The following GTF2A2 variants were observed in gnomAD, a reference collection of about 807,000 sequenced individuals.
The protein encoded by GTF2A2 is transcription initiation factor IIA subunit 2.
Under a neutral mutation model 14.3 loss-of-function variants are expected in GTF2A2, and 9 were observed. That is an observed-to-expected ratio of 0.63 (90% CI 0.38 to 1.10). The LOEUF (loss-of-function observed/expected upper bound fraction) is 1.10, where lower values mean the gene tolerates loss of function less well. Ranked by LOEUF, GTF2A2 falls within the 50% of genes least tolerant of loss-of-function variation. The pLI is 0.01. For missense variants in GTF2A2, 90 were observed against 124.6 expected (o/e 0.72, Z 1.32); for synonymous variants, 56 against 46.0 (o/e 1.22, Z -0.88).
chr15:59,655,610 G>A (rs779673714), intron 1 of GTF2A2, among the ~76,000 whole-genome samples: 9 of 152,016 alleles, frequency 5.9e-5, no homozygotes, highest in Non-Finnish European at 8.8e-5. Context: ...ACAGTCCTTA[G>A]GCCTCTGCTG....
At chr15:59,644,109 C>T (rs1434464982) in intron 3 of GTF2A2, among the ~76,000 whole-genome samples, 3 of 148,356 alleles carry the variant, frequency 2.0e-5, no homozygotes, top group African/African-American at 7.5e-5. Flanking sequence ...TGGCCAGGCT[C>T]GTCTTAAACT....
chr15:59,654,829 T>A (rs1252505264), intron 1 of GTF2A2, among the ~76,000 whole-genome samples: 1 of 152,226 alleles, frequency 6.6e-6, no homozygotes, highest in African/African-American at 2.4e-5. Flanking sequence ...GCTTGGGACC[T>A]GAAGTCTTTT....
In GTF2A2 at chr15:59,638,609, T is replaced by C. The variant is rs1891264982; in HGVS notation, c.*523A>G. On this transcript the variant is annotated 3_prime_UTR_variant, in exon 5 of 5. Coordinates refer to ENST00000396060, the MANE Select transcript of GTF2A2 (RefSeq NM_004492.3). ...GATTGTCTAACTTTTCCTAATCAAG[T>C]TGTACTTGGGTTTTTTTATACCAAT... 1 of 152,262 alleles carries C rather than the reference T, an allele frequency of 6.6e-6. No homozygotes were observed. Among genetic ancestry groups the C allele is most frequent in the African/African-American group, 2.4e-5 (1 of 41,416 alleles). The allele number at this position is 152,262 out of a possible 1,614,324, so 9.4% of individuals were successfully genotyped here.
intron 4 of GTF2A2, among the ~76,000 whole-genome samples, chr15:59,641,595 C>T (rs1385609368): frequency 6.6e-6 from 1 of 151,988 alleles, no homozygotes; most frequent in Non-Finnish European, 1.5e-5. Flanking sequence ...AATCATGAAA[C>T]AGAAATTAGG....
rs1439003698 is a variant in GTF2A2 at position 59,638,831 on chromosome 15, C to T, written c.*301G>A. ...GGGAAAATGCATTATCTAATATCTT[C>T]ATATTGCTACCTTAATAGCTTCACC... is the stretch of plus-strand genomic sequence containing the variant. On this transcript the variant is annotated 3_prime_UTR_variant, in exon 5 of 5. Transcript: ENST00000396060. 3.5e-6 allele frequency: 1 copy of T among 282,782 alleles called. No homozygotes were observed. Among genetic ancestry groups the T allele is most frequent in the African/African-American group, 2.2e-5 (1 of 44,682 alleles). The allele number at this position is 282,782 out of a possible 1,614,324, so 17.5% of individuals were successfully genotyped here.
intron 3 of GTF2A2, among the ~76,000 whole-genome samples, chr15:59,644,028 G>A (rs187504905): frequency 4.1e-4 from 63 of 152,222 alleles, no homozygotes; most frequent in African/African-American, 1.4e-3. Context: ...CCAAGTAGCT[G>A]GGATTACAGG....
chr15:59,656,447 C>T (rs1013608106), intron 1 of GTF2A2, among the ~76,000 whole-genome samples: 10 of 150,426 alleles, frequency 6.6e-5, no homozygotes, highest in Non-Finnish European at 1.3e-4. Context: ...TTTGATGGCA[C>T]CATCACTTTC....
chr15:59,639,775 G>A (rs1221028043), intron 4 of GTF2A2, among the ~76,000 whole-genome samples: 2 of 144,892 alleles, frequency 1.4e-5, no homozygotes, highest in Non-Finnish European at 3.0e-5. Context: ...TTTAAAGACA[G>A]AGTCACACTG....
At chr15:59,648,460 C>T (rs986612283) in intron 3 of GTF2A2, among the ~76,000 whole-genome samples, 4 of 100,730 alleles carry the variant, frequency 4.0e-5, no homozygotes, top group Non-Finnish European at 6.0e-5. Flanking sequence ...GTTACAAATA[C>T]TACTTCAATC....
At chr15:59,647,571 G>C (rs1425809100) in intron 3 of GTF2A2, among the ~76,000 whole-genome samples, 1 of 151,876 alleles carries the variant, frequency 6.6e-6, no homozygotes, top group Non-Finnish European at 1.5e-5. Context: ...ATCCACAATG[G>C]GGCAACATGT....
At chr15:59,641,402 C>A (rs769229173) in intron 4 of GTF2A2, among the ~76,000 whole-genome samples, 1 of 151,910 alleles carries the variant, frequency 6.6e-6, no homozygotes, top group African/African-American at 2.4e-5. Flanking sequence ...AAAACAAATC[C>A]GACTCAAACA....
rs1383022 is a variant in GTF2A2, at chr15:59,638,627, A to G, written c.*505T>C. The G allele has an allele frequency of 4.5e-3, 689 of 152,384 alleles. 2 individuals are homozygous for G. The highest frequency in any genetic ancestry group is 7.7e-3 in the Admixed American group (117 of 15,286). 9.4% of individuals were successfully genotyped at this position (152,384 alleles called of 1,614,324 possible). A position where few individuals can be genotyped will look rare whatever the true frequency, so the allele number is the denominator to read the frequency against. On this transcript the variant is annotated 3_prime_UTR_variant, in exon 5 of 5. Coordinates refer to ENST00000396060, the MANE Select transcript of GTF2A2 (RefSeq NM_004492.3). Reference sequence around the variant, plus strand: ...AATCAAGTTGTACTTGGGTTTTTTTATACCAATGATTAACTTTGGTTTTGT... The same window carrying G: ...AATCAAGTTGTACTTGGGTTTTTTTGTACCAATGATTAACTTTGGTTTTGT...
intron 3 of GTF2A2, among the ~76,000 whole-genome samples, chr15:59,648,174 C>T (rs573295575): frequency 2.6e-5 from 4 of 151,896 alleles, no homozygotes; most frequent in Admixed American, 6.6e-5. Flanking sequence ...TTTGGGAGGC[C>T]GAGGCGGGCG....
Position 59,657,440 on chromosome 15 carries a change from A to G in GTF2A2, c.-84T>C, listed in dbSNP as rs1209321748. 3 of 152,486 alleles carry G rather than the reference A, an allele frequency of 2.0e-5. No homozygotes were observed. The highest frequency in any genetic ancestry group is 4.8e-5 in the African/African-American group (2 of 41,478). 9.4% of individuals were successfully genotyped at this position (152,486 alleles called of 1,614,324 possible). A position where few individuals can be genotyped will look rare whatever the true frequency, so the allele number is the denominator to read the frequency against. ...AGGCGCTTCCCTCCGCGGAGCGGAC[A>G]GAAGCCGCCACGAGCCCGGCAGGAG... On this transcript the variant is annotated 5_prime_UTR_variant, in exon 1 of 5. Coordinates refer to ENST00000396060, the MANE Select transcript of GTF2A2 (RefSeq NM_004492.3).
At chr15:59,651,631 T>G (rs183349188) in intron 2 of GTF2A2, 55 of 152,348 alleles carry the variant, frequency 3.6e-4, no homozygotes, top group African/African-American at 1.3e-3. Flanking sequence ...TCCCTAAATT[T>G]GAGAAGGGGG....
chr15:59,643,217 T>C lies in GTF2A2; in HGVS notation c.178-955A>G, dbSNP rs139708594. Among the ~76,000 whole-genome samples, 979 of 150,644 alleles carry C rather than the reference T, an allele frequency of 6.5e-3. 15 individuals are homozygous for C. The highest frequency in any genetic ancestry group is 0.022 in the African/African-American group (912 of 40,950). Reference sequence around the variant, plus strand: ...GCCTCAGCCTCCTGAGTAGCTGGGATTGCAGGTGTATGCCACCACGCCTAG... The same window carrying C: ...GCCTCAGCCTCCTGAGTAGCTGGGACTGCAGGTGTATGCCACCACGCCTAG... On this transcript the variant is annotated intron_variant, in intron 3 of 4. Transcript: ENST00000396060.
intron 3 of GTF2A2, among the ~76,000 whole-genome samples, chr15:59,643,012 C>T (rs1249154891): frequency 2.0e-5 from 3 of 151,902 alleles, no homozygotes; most frequent in Non-Finnish European, 2.9e-5. Context: ...GTGATCCACC[C>T]ACCTCAGCCT....
chr15:59,653,632 C>T (rs1353552984), intron 1 of GTF2A2, among the ~76,000 whole-genome samples: 2 of 152,096 alleles, frequency 1.3e-5, no homozygotes, highest in Non-Finnish European at 2.9e-5. Flanking sequence ...TTACCTCATC[C>T]AGACTTACGG....
chr15:59,649,494 A>G (rs1385500100), intron 3 of GTF2A2, among the ~76,000 whole-genome samples: 1 of 152,186 alleles, frequency 6.6e-6, no homozygotes, highest in Non-Finnish European at 1.5e-5. Flanking sequence ...ATTAGAGCAA[A>G]ATTTATGTAT....
Sources: allele counts gnomAD v4.1 joint callset (sites outside exome capture counted in the v4.1 genomes callset), GRCh38; gene constraint gnomAD v4.1.1; transcripts MANE v1.5; gene names NCBI Gene and HGNC (gene_info 2026-07-23, HGNC 2026-07-21).